The following CALN1 variants were observed in gnomAD, a reference collection of about 807,000 sequenced individuals.
CALN1 encodes the protein calcium-binding protein 8.
A neutral mutation model predicts 30.6 loss-of-function variants in CALN1; 17 were observed. That is an observed-to-expected ratio of 0.56 (90% CI 0.38 to 0.83). The LOEUF (loss-of-function observed/expected upper bound fraction) is 0.83. Ranked by LOEUF, CALN1 falls within the 40% of genes least tolerant of loss-of-function variation. The probability of loss-of-function intolerance (pLI) is 0.00; values close to 1 mark genes in which losing one functional copy is unlikely to be tolerated. For missense variants in CALN1, 291 were observed against 354.9 expected (o/e 0.82, Z 1.45); for synonymous variants, 156 against 131.4 (o/e 1.19, Z -1.28).
intron 3 of CALN1, among the ~76,000 whole-genome samples, chr7:72,181,776 A>G (rs1420282124): frequency 2.6e-5 from 4 of 152,188 alleles, no homozygotes. Flanking sequence ...CACCCAGCCG[A>G]CTTCGGTAAC....
At chr7:72,274,576 T>G (rs1797217518) in intron 3 of CALN1, among the ~76,000 whole-genome samples, 1 of 151,594 alleles carries the variant, frequency 6.6e-6, no homozygotes, top group Non-Finnish European at 1.5e-5. Context: ...TCTTCAACAA[T>G]CATACTGCAT....
At chr7:72,329,471 AG>A (rs1801513361) in intron 2 of CALN1, among the ~76,000 whole-genome samples, 1 of 152,314 alleles carries the variant, frequency 6.6e-6, no homozygotes, top group South Asian at 2.1e-4. Flanking sequence ...TATATGAGCT[AG>A]CCCCCATCTC....
At chr7:72,483,436 C>A in the CALN1 span, among the ~76,000 whole-genome samples, 1 of 152,014 alleles carries the variant, frequency 6.6e-6, no homozygotes, top group Non-Finnish European at 1.5e-5. Flanking sequence ...AGGCACCCAC[C>A]ACCATGCCCA....
intron 1 of CALN1, 129 bp downstream of exon 1, chr7:72,411,929 A>G (rs1366858689): frequency 6.6e-6 from 1 of 152,216 alleles, no homozygotes; most frequent in Admixed American, 6.5e-5. Flanking sequence ...AAAAAATCAT[A>G]GATTAAAACA....
chr7:71,956,072 C>G (rs1264722430), intron 5 of CALN1, among the ~76,000 whole-genome samples: 1 of 151,862 alleles, frequency 6.6e-6, no homozygotes, highest in East Asian at 1.9e-4. Context: ...ACTGCAACCT[C>G]TGCCTCCTGG....
chr7:72,144,156 C>T (rs1475613082), intron 3 of CALN1, among the ~76,000 whole-genome samples: 2 of 152,114 alleles, frequency 1.3e-5, no homozygotes, highest in African/African-American at 2.4e-5. Context: ...GGACTAAATG[C>T]TCCAATTAAA....
chr7:72,469,364 A>T, the CALN1 span, among the ~76,000 whole-genome samples: 2 of 152,144 alleles, frequency 1.3e-5, no homozygotes, highest in Non-Finnish European at 2.9e-5. Context: ...CTTGTCAAAA[A>T]TCAGTTGGCC....
At chr7:72,140,981 A>C (rs183302093) in intron 3 of CALN1, among the ~76,000 whole-genome samples, 111 of 152,336 alleles carry the variant, frequency 7.3e-4, no homozygotes, top group African/African-American at 2.6e-3. Context: ...AAAAGGTAGA[A>C]GATACTAGCC....
In CALN1 at chr7:72,258,881, T is replaced by G. The variant is rs372238401; in HGVS notation, c.244+19805A>C. Among the ~76,000 whole-genome samples the G allele has an allele frequency of 2.3e-3, 335 of 148,804 alleles. 3 individuals are homozygous for G. The highest frequency in any genetic ancestry group is 0.018 in the Middle Eastern group (5 of 280). On this transcript the variant is annotated intron_variant, in intron 3 of 6. Coordinates refer to ENST00000395275, the MANE Select transcript of CALN1 (RefSeq NM_031468.4). ...CAGCCTGGCCAACATGGTGAAACCC[T>G]GTCTCTACTAAAAAGTAAAAAAAAA...
chr7:72,237,477 A>G (rs1794546226), intron 3 of CALN1, among the ~76,000 whole-genome samples: 1 of 152,222 alleles, frequency 6.6e-6, no homozygotes, highest in South Asian at 2.1e-4. Context: ...CCTGTCACTG[A>G]GCAGAGGACT....
At chr7:72,319,980 C>A (rs758308350) in intron 2 of CALN1, among the ~76,000 whole-genome samples, 36 of 152,076 alleles carry the variant, frequency 2.4e-4, no homozygotes, top group Admixed American at 3.9e-4. Flanking sequence ...ATGGTGAAAC[C>A]CAGACTCTAC....
At chr7:72,198,676 AAG>A (rs907773215) in intron 3 of CALN1, among the ~76,000 whole-genome samples, 20 of 152,180 alleles carry the variant, frequency 1.3e-4, no homozygotes, top group African/African-American at 4.8e-4. Flanking sequence ...AAAAAAGAAA[AAG>A]GGATTACTAA....
rs1554463089 is a variant in CALN1 at position 72,168,787 on chromosome 7, CTTA to C, written c.245-62496_245-62494del. Among the ~76,000 whole-genome samples the C allele has an allele frequency of 3.4e-4, 46 of 135,596 alleles. 1 individual carries two copies. Among genetic ancestry groups the C allele is most frequent in the African/African-American group, 4.3e-4 (16 of 37,082 alleles). The allele number at this position is 135,596 out of a possible 152,430, so 89.0% of individuals were successfully genotyped here. ...CTGAGAAACACTTCAAGGATGCCTG[CTTA>C]TTATTATTATTATTATTTTTTTTTT... On this transcript the variant is annotated intron_variant, in intron 3 of 6. Coordinates refer to ENST00000395275, the MANE Select transcript of CALN1 (RefSeq NM_031468.4).
upstream of CALN1, among the ~76,000 whole-genome samples, chr7:72,416,121 C>A (rs1474343478): frequency 6.6e-6 from 1 of 152,160 alleles, no homozygotes; most frequent in African/African-American, 2.4e-5. Context: ...TGAAGACTGG[C>A]TAAAATAGGG....
intron 3 of CALN1, among the ~76,000 whole-genome samples, chr7:72,205,191 T>G (rs1791737263): frequency 6.6e-6 from 1 of 151,998 alleles, no homozygotes. Flanking sequence ...TTTTTTGTTT[T>G]TATTTTTGCT....
At chr7:72,337,422 GCACACACA>G (rs5884886) in intron 2 of CALN1, among the ~76,000 whole-genome samples, 2 of 150,710 alleles carry the variant, frequency 1.3e-5, no homozygotes, top group Non-Finnish European at 3.0e-5. Context: ...ACACTCGCGC[GCACACACA>G]CACACACACA....
chr7:72,106,251 G>A lies in CALN1; in HGVS notation c.288C>T (p.Gly96=), dbSNP rs1807101088. Residue 96 remains glycine, a synonymous_variant, in exon 4 of 7, where the codon GGC becomes GGT. Transcript: ENST00000395275. ...AFRVLDRDGN[G]FISKQELGMA... is the part of the protein sequence containing the mutation. ...TGCCCAGCTCCTGCTTGGAGATGAAGCCGTTCCCATCCCGGTCCAGAACCC... is the reference window on the plus strand; with the variant it reads ...TGCCCAGCTCCTGCTTGGAGATGAAACCGTTCCCATCCCGGTCCAGAACCC... The A allele has an allele frequency of 6.2e-7, 1 of 1,613,902 alleles. No individual in the cohort carries two copies. Among genetic ancestry groups the A allele is most frequent in the African/African-American group, 1.3e-5 (1 of 74,894 alleles).
chr7:72,449,231 A>G (rs778980552), upstream of CALN1, among the ~76,000 whole-genome samples: 9 of 152,242 alleles, frequency 5.9e-5, no homozygotes, highest in Non-Finnish European at 1.2e-4. Flanking sequence ...CAATTATCTC[A>G]GCACCAAGGT....
chr7:71,848,195 T>C (rs1293151400), intron 5 of CALN1, among the ~76,000 whole-genome samples: 1 of 152,214 alleles, frequency 6.6e-6, no homozygotes, highest in East Asian at 1.9e-4. Context: ...TAAAGAACTG[T>C]TCAGACTGTG....
Sources: gnomAD v4.1 joint callset for allele counts (sites outside exome capture counted in the v4.1 genomes callset) on GRCh38, gnomAD v4.1.1 for gene constraint, MANE v1.5 for transcripts, NCBI Gene and HGNC (gene_info 2026-07-23, HGNC 2026-07-21) for gene names.